TMEM94: variants seen among roughly 807,000 people sequenced by gnomAD.
TMEM94 encodes ER Mg2+ ATPase.
In TMEM94, 81 loss-of-function variants were observed where a neutral mutation model predicts 158.6. The ratio of observed to expected loss-of-function variants is 0.51; its 90% CI spans 0.43 to 0.61. TMEM94 has a LOEUF of 0.61. Among genes scored for constraint, TMEM94 ranks in the 20% least tolerant of loss-of-function variants. The pLI is 0.00. For missense variants in TMEM94, 1,435 were observed against 1,762.0 expected (o/e 0.81, Z 3.32); for synonymous variants, 751 against 730.7 (o/e 1.03, Z -0.45).
In TMEM94 at chr17:75,492,415, C is replaced by T; in HGVS notation, c.1597-59C>T. On this transcript the variant is annotated intron_variant, in intron 14 of 31. Coordinates refer to ENST00000314256, the MANE Select transcript of TMEM94 (RefSeq NM_014738.6). This position sits in a 1 kb window ranked among gnomAD's most constrained non-coding sequence, Gnocchi z 4.4. ...CCCAGCCTTGGGAGGTGGGCAGAGC[C>T]AGTGCTGGCTTCCCCACACCCTATC... 2 of 1,519,864 alleles carry T rather than the reference C, an allele frequency of 1.3e-6. No individual in the cohort carries two copies. Among genetic ancestry groups the T allele is most frequent in the East Asian group, 2.3e-5 (1 of 43,736 alleles). 94.1% of individuals were successfully genotyped at this position (1,519,864 alleles called of 1,614,324 possible). A position where few individuals can be genotyped will look rare whatever the true frequency, so the allele number is the denominator to read the frequency against.
At position 75,485,354 on chromosome 17, in the gene TMEM94, G is replaced by A; in HGVS notation, c.25-74G>A. 6.4e-7 allele frequency: 1 copy of A among 1,551,986 alleles called. No individual in the cohort carries two copies. Among genetic ancestry groups the A allele is most frequent in the Non-Finnish European group, 8.8e-7 (1 of 1,142,352 alleles). On this transcript the variant is annotated intron_variant, in intron 2 of 31. Transcript: ENST00000314256. This position sits in a 1 kb window ranked among gnomAD's most constrained non-coding sequence, Gnocchi z 5.5. ...GGGAAGGATGAAGGGCCAGGGAAGG[G>A]GAGGGTTGGGGCCCGCGTGCCTTGC...
intron 10 of TMEM94, 74 bp downstream of exon 10, chr17:75,490,424 G>C (rs2052061203): frequency 6.6e-7 from 1 of 1,525,232 alleles, no homozygotes; most frequent in African/African-American, 1.4e-5. Flanking sequence ...GAGGACGGGG[G>C]CAGAAGTCCA....
chr17:75,478,259 C>T (rs1286151169), intron 2 of TMEM94, among the ~76,000 whole-genome samples: 48 of 143,196 alleles, frequency 3.4e-4, no homozygotes, highest in Admixed American at 3.0e-3. Context: ...CCTCGTGATC[C>T]GCCCGCCTCG....
At chr17:75,490,194 C>A in intron 9 of TMEM94, 40 bp from the exon 10 acceptor site, 2 of 1,610,464 alleles carry the variant, frequency 1.2e-6, no homozygotes, top group Non-Finnish European at 1.7e-6. Context: ...TCCCCAGGCC[C>A]GGAGCTCAGG....
Position 75,497,790 on chromosome 17 carries a change from GC to G in TMEM94, c.3418del (p.Leu1140TrpfsTer100). On this transcript the variant is annotated frameshift_variant, in exon 27 of 32. Coordinates refer to ENST00000314256, the MANE Select transcript of TMEM94 (RefSeq NM_014738.6). LOFTEE classifies it high-confidence loss of function. Reference protein sequence around the residue: ...FCYPLLSISLLGKPPHSSIMS... With the variant: ...FCYPLLSISLXGKPPHSSIMS... ...GATCTCTGCTTTTCAGCATCTCTCT[GC>G]TGGGGAAGCCCCCCCATAGCTCCAT... 1 of 1,613,638 alleles carries G rather than the reference GC, an allele frequency of 6.2e-7. No homozygotes were observed. Among genetic ancestry groups the G allele is most frequent in the Non-Finnish European group, 8.5e-7 (1 of 1,179,604 alleles).
intron 1 of TMEM94, among the ~76,000 whole-genome samples, chr17:75,461,862 C>G (rs1199345711): frequency 6.7e-6 from 1 of 148,344 alleles, no homozygotes; most frequent in Non-Finnish European, 1.5e-5. Context: ...TACAGTGAGT[C>G]GAGATCGTGC....
intron 2 of TMEM94, among the ~76,000 whole-genome samples, chr17:75,482,119 G>A (rs1485231992): frequency 2.0e-5 from 3 of 152,190 alleles, no homozygotes; most frequent in Non-Finnish European, 4.4e-5. Flanking sequence ...AAGGCGGGCA[G>A]ATTGCCTGAG....
At chr17:75,478,854 C>T (rs1173695558) in intron 2 of TMEM94, among the ~76,000 whole-genome samples, 1 of 152,190 alleles carries the variant, frequency 6.6e-6, no homozygotes, top group Non-Finnish European at 1.5e-5. Flanking sequence ...ATGTGGGAAG[C>T]TCTGAGAATC....
Position 75,492,282 on chromosome 17 carries a change from G to A in TMEM94, c.1597-192G>A. 1.4e-6 allele frequency: 2 copies of A among 1,427,540 alleles called. No homozygotes were observed. Among genetic ancestry groups the A allele is most frequent in the Non-Finnish European group, 1.8e-6 (2 of 1,096,330 alleles). 88.4% of individuals were successfully genotyped at this position (1,427,540 alleles called of 1,614,324 possible). On this transcript the variant is annotated intron_variant, in intron 14 of 31. Transcript: ENST00000314256. The surrounding 1 kb of genome is among the most constrained non-coding windows in gnomAD (Gnocchi z 4.4). Reference sequence around the variant, plus strand: ...GATATATTAATAGTCCATAGAAGCAGACAGGAGCCCAAGAAGGACAGGAAG... The same window carrying A: ...GATATATTAATAGTCCATAGAAGCAAACAGGAGCCCAAGAAGGACAGGAAG...
chr17:75,481,433 C>A (rs1448984096), intron 2 of TMEM94, among the ~76,000 whole-genome samples: 1 of 152,226 alleles, frequency 6.6e-6, no homozygotes, highest in Non-Finnish European at 1.5e-5. Flanking sequence ...AATCCTGGGG[C>A]CAGGCCCCGT....
intron 4 of TMEM94, 101 bp from the exon 5 acceptor site, chr17:75,486,189 T>G (rs914182759): frequency 2.6e-6 from 4 of 1,543,228 alleles, no homozygotes; most frequent in Admixed American, 3.6e-5. Context: ...GGACAGTCTT[T>G]CCACAAGGGA....
intron 18 of TMEM94, 97 bp from the exon 19 acceptor site, chr17:75,494,530 A>G (rs8078131): frequency 0.88 from 1,099,706 of 1,253,268 alleles, 487,410 homozygotes; most frequent in Middle Eastern, 0.92. Flanking sequence ...CCTGGGGCCC[A>G]TATGCTCATT....
In TMEM94 at chr17:75,490,214, T is replaced by C. The variant is rs1250825751; in HGVS notation, c.955-20T>C. 6.2e-7 allele frequency: 1 copy of C among 1,613,668 alleles called. No individual in the cohort carries two copies. ...AGGCCCGGAGCTCAGGAGCCATCTG[T>C]GTGGTCCGCTCCTTCCCAGGTGAAT... On this transcript the variant is annotated intron_variant, in intron 9 of 31. Transcript: ENST00000314256.
rs762693353 is a variant in TMEM94, at chr17:75,493,803, A to G, written c.2294A>G (p.Lys765Arg). 1.2e-6 allele frequency: 2 copies of G among 1,613,934 alleles called. No homozygotes were observed. Among genetic ancestry groups the G allele is most frequent in the East Asian group, 2.2e-5 (1 of 44,872 alleles). Residue 765 changes from lysine (K) to arginine (R), a missense_variant, in exon 18 of 32, where the codon AAG becomes AGG. Physicochemically the swap from Lys to Arg is conservative, Grantham distance 26. Transcript: ENST00000314256. ...NCALSSQLNG[K>R]CIELVQVPGQ... ...GCCCTGTCCTCTCAGCTCAATGGCA[A>G]GTGCATCGAGCTGGTACAGGTGCCC...
Position 75,490,257 on chromosome 17 carries a change from C to T in TMEM94, c.978C>T (p.Leu326=), listed in dbSNP as rs759492406. The T allele has an allele frequency of 4.3e-6, 7 of 1,614,100 alleles. No individual in the cohort carries two copies. The South Asian group carries it at 7.7e-5, about 18-fold the overall frequency. ...QLQVNGVLPI[L]PLLFPVLWVL... ...AGGTGAATGGCGTCCTGCCCATCCT[C>T]CCCCTGCTCTTTCCAGTCCTCTGGG... The change falls in exon 10 of 32, where the codon CTC becomes CTT. Residue 326 remains leucine (L), a synonymous_variant. Transcript: ENST00000314256.
Position 75,498,172 on chromosome 17 carries a change from C to T in TMEM94, c.3490-3C>T. On this transcript the variant is annotated splice_polypyrimidine_tract_variant and splice_region_variant and intron_variant, in intron 27 of 31. Coordinates refer to ENST00000314256, the MANE Select transcript of TMEM94 (RefSeq NM_014738.6). This position sits in a 1 kb window ranked among gnomAD's most constrained non-coding sequence, Gnocchi z 6.7. Reference sequence around the variant, plus strand: ...CCAGGAGTGACTGGCCTTGTTCCCGCAGACCCAGCACTACTTCCTGCTCTG... The same window carrying T: ...CCAGGAGTGACTGGCCTTGTTCCCGTAGACCCAGCACTACTTCCTGCTCTG... The T allele has an allele frequency of 6.2e-7, 1 of 1,613,814 alleles. No individual in the cohort carries two copies. The highest frequency in any genetic ancestry group is 1.3e-5 in the African/African-American group (1 of 75,052).
In TMEM94 at chr17:75,489,211, G is replaced by T. The variant is rs1055122643; in HGVS notation, c.765-55G>T. Reference sequence around the variant, plus strand: ...CAGAGAGGCCCAGAATCCTCCCAAGGTGTAGGTTTCTAGCCTCTCTGCCAA... The same window carrying T: ...CAGAGAGGCCCAGAATCCTCCCAAGTTGTAGGTTTCTAGCCTCTCTGCCAA... On this transcript the variant is annotated intron_variant, in intron 7 of 31. Transcript: ENST00000314256. This position sits in a 1 kb window ranked among gnomAD's most constrained non-coding sequence, Gnocchi z 5.0. The T allele has an allele frequency of 2.6e-6, 4 of 1,522,714 alleles. No homozygotes were observed. The highest frequency in any genetic ancestry group is 3.6e-6 in the Non-Finnish European group (4 of 1,097,568). The allele number at this position is 1,522,714 out of a possible 1,614,324, so 94.3% of individuals were successfully genotyped here. A position where few individuals can be genotyped will look rare whatever the true frequency, so the allele number is the denominator to read the frequency against.
Position 75,485,679 on chromosome 17 carries a change from GAAAGA to G in TMEM94, c.144+134_144+138del. On this transcript the variant is annotated intron_variant, in intron 3 of 31. Coordinates refer to ENST00000314256, the MANE Select transcript of TMEM94 (RefSeq NM_014738.6). This position sits in a 1 kb window ranked among gnomAD's most constrained non-coding sequence, Gnocchi z 5.5. Reference sequence around the variant, plus strand: ...CCAACTGAGGCCTCATGAAATATCAGAAAGAAGCCAAGGTTCCCCTCAGAGTGGCT... The same window carrying G: ...CCAACTGAGGCCTCATGAAATATCAGAGCCAAGGTTCCCCTCAGAGTGGCT... 1 of 1,408,632 alleles carries G rather than the reference GAAAGA, an allele frequency of 7.1e-7. No individual in the cohort carries two copies. The highest frequency in any genetic ancestry group is 1.3e-5 in the South Asian group (1 of 76,002). The allele number at this position is 1,408,632 out of a possible 1,614,324, so 87.3% of individuals were successfully genotyped here.
Position 75,496,052 on chromosome 17 carries a change from C to T in TMEM94, c.3031C>T (p.Leu1011Phe). The T allele has an allele frequency of 3.1e-6, 5 of 1,612,688 alleles. No homozygotes were observed. The highest frequency in any genetic ancestry group is 4.2e-6 in the Non-Finnish European group (5 of 1,179,676). The change falls in exon 23 of 32, where the codon CTC becomes TTC. Residue 1011 changes from leucine (L) to phenylalanine (F), a missense_variant. By Grantham distance (22) the Leu-to-Phe change is conservative (BLOSUM62 0). Around this residue, in one of 3 missense-constraint regions of TMEM94, gnomAD observed 49 missense variants for 98.5 expected, o/e 0.50. Coordinates refer to ENST00000314256, the MANE Select transcript of TMEM94 (RefSeq NM_014738.6). The stretch of plus-strand genomic sequence containing the variant: ...CTCTGCCAACCTGCGGAACAGCTGC[C>T]TCTTCCTCCAGAGCGACATCAGGTC... ...GSSANLRNSCLFLQSDISIAL... is the reference protein window; with the variant it reads ...GSSANLRNSCFFLQSDISIAL...
Sources: allele counts gnomAD v4.1 joint callset (sites outside exome capture counted in the v4.1 genomes callset), GRCh38; gene constraint gnomAD v4.1.1; regional missense constraint gnomAD v4.1.1; non-coding constraint Gnocchi (gnomAD v3.1); transcripts MANE v1.5; gene names NCBI Gene and HGNC (gene_info 2026-07-23, HGNC 2026-07-21).